NELL1: variants seen among roughly 807,000 people sequenced by gnomAD.
NELL1 encodes the protein protein kinase C-binding protein NELL1.
NELL1 carries 76 observed loss-of-function variants against 107.4 expected under a neutral mutation model. The ratio of observed to expected loss-of-function variants is 0.71; its 90% CI spans 0.59 to 0.86. The LOEUF (loss-of-function observed/expected upper bound fraction) is 0.86, where lower values mean the gene tolerates loss of function less well. Ranked by LOEUF, NELL1 falls within the 40% of genes least tolerant of loss-of-function variation. The pLI is 0.00. For missense variants in NELL1, 1,024 were observed against 1,005.5 expected, an observed-to-expected ratio of 1.02 and a Z score of -0.25; for synonymous variants, 353 against 341.2, an observed-to-expected ratio of 1.03 and a Z score of -0.38.
chr11:21,486,181 G>C (rs1854626838), intron 15 of NELL1, among the ~76,000 whole-genome samples: 1 of 152,070 alleles, frequency 6.6e-6, no homozygotes, highest in African/African-American at 2.4e-5. Context: ...CAACCTGCCT[G>C]GACTTACGAA....
intron 13 of NELL1, among the ~76,000 whole-genome samples, chr11:21,151,128 G>C (rs758911135): frequency 6.6e-6 from 1 of 152,136 alleles, no homozygotes; most frequent in Non-Finnish European, 1.5e-5. Context: ...ATTTGGGTAG[G>C]GACACAGTGC....
intron 2 of NELL1, among the ~76,000 whole-genome samples, chr11:20,743,922 A>C (rs1167373350): frequency 1.3e-5 from 2 of 152,070 alleles, no homozygotes; most frequent in Non-Finnish European, 2.9e-5. Flanking sequence ...CCCCAATCCT[A>C]AGCCTTTTCT....
chr11:20,897,049 T>C (rs1314819149), intron 5 of NELL1, among the ~76,000 whole-genome samples: 2 of 152,136 alleles, frequency 1.3e-5, no homozygotes, highest in Admixed American at 1.3e-4. Flanking sequence ...CTTCACAGAA[T>C]TGGAAAAAAC....
intron 15 of NELL1, among the ~76,000 whole-genome samples, chr11:21,526,486 G>A (rs1324285528): frequency 2.0e-5 from 3 of 152,202 alleles, no homozygotes; most frequent in African/African-American, 7.2e-5. Context: ...CTACTAGGCA[G>A]TACCTCAGTG....
chr11:21,056,536 A>G (rs1240179657), intron 12 of NELL1, among the ~76,000 whole-genome samples: 1 of 152,168 alleles, frequency 6.6e-6, no homozygotes, highest in South Asian at 2.1e-4. Context: ...TTTTAGGAAC[A>G]CTAACAAACT....
At chr11:21,012,929 T>C (rs1852479656) in intron 12 of NELL1, among the ~76,000 whole-genome samples, 1 of 152,162 alleles carries the variant, frequency 6.6e-6, no homozygotes, top group Admixed American at 6.5e-5. Context: ...AGTAATCCTG[T>C]GCCCTCTGGC....
At chr11:20,880,386 T>C (rs1849385232) in intron 4 of NELL1, among the ~76,000 whole-genome samples, 1 of 152,240 alleles carries the variant, frequency 6.6e-6, no homozygotes, top group Non-Finnish European at 1.5e-5. Context: ...GGGCATGTAA[T>C]GTATTTTGTT....
At chr11:20,799,833 G>GT (rs1379350374) in intron 3 of NELL1, among the ~76,000 whole-genome samples, 4 of 152,120 alleles carry the variant, frequency 2.6e-5, no homozygotes, top group South Asian at 2.1e-4. Context: ...CCAATAGGTA[G>GT]TTTTTTTAGC....
chr11:21,530,092 G>A (rs898536398), intron 15 of NELL1, among the ~76,000 whole-genome samples: 17 of 152,096 alleles, frequency 1.1e-4, no homozygotes, highest in African/African-American at 4.8e-5. Flanking sequence ...AGTATATGGG[G>A]CAAATGTACT....
chr11:21,268,753 A>G (rs1848682756), intron 14 of NELL1, among the ~76,000 whole-genome samples: 1 of 152,178 alleles, frequency 6.6e-6, no homozygotes, highest in South Asian at 2.1e-4. Flanking sequence ...GGTTATCAAG[A>G]AAAAATGGCA....
intron 12 of NELL1, among the ~76,000 whole-genome samples, chr11:20,967,573 T>C (rs1004845060): frequency 2.0e-5 from 3 of 152,146 alleles, no homozygotes; most frequent in African/African-American, 7.2e-5. Context: ...TCCACTCTTT[T>C]CTTTATCCCC....
chr11:20,915,553 T>C lies in NELL1; in HGVS notation c.604-2629T>C, dbSNP rs186544810. Among the ~76,000 whole-genome samples, 284 of 151,048 alleles carry C rather than the reference T, an allele frequency of 1.9e-3. 2 individuals carry two copies. The highest frequency in any genetic ancestry group is 0.01 in the Middle Eastern group (3 of 294). On this transcript the variant is annotated intron_variant, in intron 5 of 19. Coordinates refer to ENST00000357134, the MANE Select transcript of NELL1 (RefSeq NM_006157.5). ...TGAGGTCAGCTAATACAGGCCCAGATAGAGTTGCATTTTTCAGTTAAATGT... is the reference window on the plus strand; with the variant it reads ...TGAGGTCAGCTAATACAGGCCCAGACAGAGTTGCATTTTTCAGTTAAATGT...
In NELL1 at chr11:20,860,248, T is replaced by C. The variant is rs1432417121; in HGVS notation, c.506+12495T>C. 2.0e-5 allele frequency among the ~76,000 whole-genome samples: 3 copies of C among 152,336 alleles called. No homozygotes were observed. In the East Asian group the frequency reaches 5.8e-4, roughly 29 times the overall value. ...TAGTGTTTGCTTTTCAACACAGTAA[T>C]TTTTGATCATTTGATTGATGTCTGC... On this transcript the variant is annotated intron_variant, in intron 4 of 19. Transcript: ENST00000357134.
At position 21,513,312 on chromosome 11, in the gene NELL1, G is replaced by A. The variant is rs371836942; in HGVS notation, c.1646-21062G>A. On this transcript the variant is annotated intron_variant, in intron 15 of 19. Transcript: ENST00000357134. Reference sequence around the variant, plus strand: ...CAAACTGTTCTTCTCTTATAAGTGTGTTTATTTTTTTCCAAAAATAATATG... The same window carrying A: ...CAAACTGTTCTTCTCTTATAAGTGTATTTATTTTTTTCCAAAAATAATATG... Among the ~76,000 whole-genome samples, 125 of 152,200 alleles carry A rather than the reference G, an allele frequency of 8.2e-4. 1 individual carries two copies. The highest frequency in any genetic ancestry group is 4.6e-3 in the South Asian group (22 of 4,826).
At chr11:20,875,043 C>T (rs910416403) in intron 4 of NELL1, among the ~76,000 whole-genome samples, 4 of 152,120 alleles carry the variant, frequency 2.6e-5, no homozygotes, top group African/African-American at 7.2e-5. Flanking sequence ...GAACTAAATG[C>T]GATTATCTCT....
chr11:21,415,185 C>A (rs1025742022), intron 15 of NELL1, among the ~76,000 whole-genome samples: 11 of 152,058 alleles, frequency 7.2e-5, no homozygotes, highest in African/African-American at 2.7e-4. Flanking sequence ...AATTGAGCAT[C>A]ATTTCCTTCA....
intron 12 of NELL1, among the ~76,000 whole-genome samples, chr11:21,041,091 A>G (rs1853217677): frequency 1.3e-5 from 2 of 152,200 alleles, no homozygotes; most frequent in African/African-American, 4.8e-5. Flanking sequence ...GATTATGTTG[A>G]AAGAATTTAG....
chr11:21,265,564 T>A (rs1432158040), intron 14 of NELL1, among the ~76,000 whole-genome samples: 5 of 151,994 alleles, frequency 3.3e-5, no homozygotes, highest in Non-Finnish European at 7.4e-5. Flanking sequence ...CTGTATTGAT[T>A]CTTTTTAGAA....
intron 15 of NELL1, among the ~76,000 whole-genome samples, chr11:21,375,328 A>G (rs1217722332): frequency 6.6e-6 from 1 of 151,978 alleles, no homozygotes; most frequent in Non-Finnish European, 1.5e-5. Context: ...TCCTGTGTTA[A>G]TTGACTTAAA....
Sources: allele counts gnomAD v4.1 joint callset (sites outside exome capture counted in the v4.1 genomes callset), GRCh38; gene constraint gnomAD v4.1.1; transcripts MANE v1.5; gene names NCBI Gene and HGNC (gene_info 2026-07-23, HGNC 2026-07-21).